The following RGR variants were observed in gnomAD, a reference collection of about 807,000 sequenced individuals.
The protein encoded by RGR is RPE-retinal G protein-coupled receptor.
RGR carries 30 observed loss-of-function variants against 28.6 expected under a neutral mutation model. That is an observed-to-expected ratio of 1.05 (90% CI 0.78 to 1.42). The LOEUF is 1.42. RGR is among the 40% of genes most tolerant of loss of function. The probability of loss-of-function intolerance (pLI) is 0.00; values close to 1 mark genes in which losing one functional copy is unlikely to be tolerated. For synonymous variants in RGR, 180 were observed against 156.4 expected (o/e 1.15, Z -1.13); for missense variants, 404 against 375.6 (o/e 1.08, Z -0.62).
intron 1 of RGR, among the ~76,000 whole-genome samples, chr10:84,246,419 G>A (rs550567699): frequency 1.3e-5 from 2 of 151,812 alleles, no homozygotes; most frequent in Non-Finnish European, 2.9e-5. Context: ...AGTCCATTGT[G>A]TCCTCTGAAT....
chr10:84,251,906 G>A (rs1402013340), intron 3 of RGR, among the ~76,000 whole-genome samples: 2 of 152,204 alleles, frequency 1.3e-5, no homozygotes, highest in African/African-American at 4.8e-5. Flanking sequence ...AGCCGTATCA[G>A]TAGAAGCAAA....
intron 5 of RGR, among the ~76,000 whole-genome samples, chr10:84,257,398 C>T (rs535635702): frequency 7.2e-5 from 11 of 152,196 alleles, no homozygotes; most frequent in Non-Finnish European, 1.0e-4. Context: ...CAGCCTGGGG[C>T]CCCTTGAGCA....
intron 4 of RGR, among the ~76,000 whole-genome samples, chr10:84,253,938 G>C (rs1455353352): frequency 1.3e-5 from 2 of 152,198 alleles, no homozygotes; most frequent in African/African-American, 4.8e-5. Flanking sequence ...TTTCTTCAGT[G>C]ACACAGTATC....
At chr10:84,252,531 T>C (rs1842831281) in intron 3 of RGR, among the ~76,000 whole-genome samples, 2 of 152,208 alleles carry the variant, frequency 1.3e-5, no homozygotes, top group Admixed American at 6.5e-5. Flanking sequence ...ATCATTCCCA[T>C]TGTGGGCGAG....
At chr10:84,245,553 C>G (rs1212952743) in intron 1 of RGR, among the ~76,000 whole-genome samples, 2 of 152,200 alleles carry the variant, frequency 1.3e-5, no homozygotes, top group African/African-American at 4.8e-5. Flanking sequence ...CCAAAAGGCT[C>G]TGGGGACAGA....
intron 4 of RGR, 26 bp downstream of exon 4, chr10:84,253,036 G>A (rs775861702): frequency 6.2e-7 from 1 of 1,609,482 alleles, no homozygotes; most frequent in South Asian, 1.1e-5. Context: ...CAGCTTCGAG[G>A]CTCCTATCCA....
At chr10:84,247,031 G>A (rs1048666208) in intron 1 of RGR, among the ~76,000 whole-genome samples, 5 of 152,164 alleles carry the variant, frequency 3.3e-5, no homozygotes, top group Non-Finnish European at 7.4e-5. Context: ...TTAGATAGGG[G>A]AAGCTGAGGT....
At chr10:84,248,774 A>G in intron 2 of RGR, 148 bp from the exon 3 acceptor site, 1 of 1,453,106 alleles carries the variant, frequency 6.9e-7, no homozygotes, top group South Asian at 1.2e-5. Context: ...CTTGAGCTCC[A>G]ACGCCTCATA....
Position 84,258,629 on chromosome 10 carries a change from G to A in RGR, c.866G>A (p.Arg289Gln), listed in dbSNP as rs768395760. 10 of 1,614,134 alleles carry A rather than the reference G, an allele frequency of 6.2e-6. No homozygotes were observed. Among genetic ancestry groups the A allele is most frequent in the East Asian group, 4.5e-5 (2 of 44,862 alleles). Residue 289 changes from arginine (R) to glutamine (Q), a missense_variant, in exon 7 of 7, where the codon CGA becomes CAA. Transcript: ENST00000652092. ...CLSPQKREKD[R>Q]TK Reference sequence around the variant, plus strand: ...TCACCGCAGAAGAGGGAGAAGGACCGAACCAAGTGAGCCTGCCACCCTGGA... The same window carrying A: ...TCACCGCAGAAGAGGGAGAAGGACCAAACCAAGTGAGCCTGCCACCCTGGA...
chr10:84,254,539 G>T, intron 5 of RGR, 96 bp downstream of exon 5: 1 of 1,018,438 alleles, frequency 9.8e-7, no homozygotes. Context: ...CACACAAACA[G>T]CAAAACAAAT....
At chr10:84,250,441 T>C (rs1465413269) in intron 3 of RGR, 2 of 717,084 alleles carry the variant, frequency 2.8e-6, no homozygotes, top group African/African-American at 3.5e-5. Flanking sequence ...AGCCCTCTTG[T>C]CCACTTGGCC....
intron 5 of RGR, among the ~76,000 whole-genome samples, chr10:84,256,436 A>T (rs1049410571): frequency 6.6e-6 from 1 of 152,142 alleles, no homozygotes; most frequent in Non-Finnish European, 1.5e-5. Context: ...ACCAAAAACC[A>T]CACACCTGGA....
intron 2 of RGR, 98 bp from the exon 3 acceptor site, chr10:84,248,824 G>A (rs771885724): frequency 2.0e-4 from 320 of 1,608,268 alleles, no homozygotes; most frequent in Non-Finnish European, 2.5e-4. Context: ...AGAGAAGAAG[G>A]GCAGCATTCA....
rs1297327962 is a variant in RGR, at chr10:84,258,748, T to G, written c.*109T>G. On this transcript the variant is annotated 3_prime_UTR_variant, in exon 7 of 7. Transcript: ENST00000652092. ...TCACCCACCTTCCCCAGTGGCCCCG[T>G]GGATCCTGGTCCTAGGCTGGACACA... The G allele has an allele frequency of 2.7e-6, 4 of 1,496,558 alleles. No homozygotes were observed. The highest frequency in any genetic ancestry group is 3.7e-6 in the Non-Finnish European group (4 of 1,092,548). The allele number at this position is 1,496,558 out of a possible 1,614,324, so 92.7% of individuals were successfully genotyped here.
At chr10:84,252,654 AT>A (rs1485401783) in intron 3 of RGR, among the ~76,000 whole-genome samples, 1 of 152,068 alleles carries the variant, frequency 6.6e-6, no homozygotes, top group Admixed American at 6.6e-5. Context: ...CTCAGCCTCA[AT>A]TTTTTAGACC....
rs190879307 is a variant in RGR at position 84,250,848 on chromosome 10, C to T, written c.358+1805C>T. Reference sequence around the variant, plus strand: ...GTTTGAACCTGGAAGGCAGAGGTTGCAGTGAGCTGAGATGGCACCACTGCA... The same window carrying T: ...GTTTGAACCTGGAAGGCAGAGGTTGTAGTGAGCTGAGATGGCACCACTGCA... On this transcript the variant is annotated intron_variant, in intron 3 of 6. Transcript: ENST00000652092. 5.9e-3 allele frequency: 914 copies of T among 155,580 alleles called. 4 individuals are homozygous for T. Among genetic ancestry groups the T allele is most frequent in the Admixed American group, 0.01 (157 of 14,980 alleles). 9.6% of individuals were successfully genotyped at this position (155,580 alleles called of 1,614,324 possible).
intron 5 of RGR, among the ~76,000 whole-genome samples, chr10:84,256,043 CTT>C (rs1305353721): frequency 2.8e-4 from 13 of 45,762 alleles, no homozygotes; most frequent in Non-Finnish European, 6.5e-4. Flanking sequence ...TTCTTTGTTT[CTT>C]TTTTTTTTCC....
At chr10:84,246,016 T>C (rs1170817999) in intron 1 of RGR, among the ~76,000 whole-genome samples, 3 of 152,208 alleles carry the variant, frequency 2.0e-5, no homozygotes, top group Non-Finnish European at 4.4e-5. Flanking sequence ...AGATTGGTCC[T>C]GAAGGCTCTG....
At position 84,258,628 on chromosome 10, in the gene RGR, C is replaced by A; in HGVS notation, c.865C>A (p.Arg289=). ...CTCACCGCAGAAGAGGGAGAAGGAC[C>A]GAACCAAGTGAGCCTGCCACCCTGG... ...CLSPQKREKD[R]TK The change falls in exon 7 of 7, where the codon CGA becomes AGA. Residue 289 remains arginine, a synonymous_variant. Coordinates refer to ENST00000652092, the MANE Select transcript of RGR (RefSeq NM_001012720.2). 1 of 1,614,088 alleles carries A rather than the reference C, an allele frequency of 6.2e-7. No homozygotes were observed. Among genetic ancestry groups the A allele is most frequent in the East Asian group, 2.2e-5 (1 of 44,860 alleles).
Sources: allele counts gnomAD v4.1 joint callset (sites outside exome capture counted in the v4.1 genomes callset), GRCh38; gene constraint gnomAD v4.1.1; transcripts MANE v1.5; gene names NCBI Gene and HGNC (gene_info 2026-07-23, HGNC 2026-07-21).